Variants in ADCK5 observed in about 807,000 individuals in gnomAD.
The protein encoded by ADCK5 is uncharacterized aarF domain-containing protein kinase 5.
A neutral mutation model predicts 64.9 loss-of-function variants in ADCK5; 43 were observed. That is an observed-to-expected ratio of 0.66 (90% CI 0.52 to 0.85). ADCK5 has a LOEUF of 0.85. Ranked by LOEUF, ADCK5 falls within the 40% of genes least tolerant of loss-of-function variation. The pLI is 0.00. For missense variants in ADCK5, 760 were observed against 810.5 expected, an observed-to-expected ratio of 0.94 and a Z score of 0.76; for synonymous variants, 434 against 342.8, an observed-to-expected ratio of 1.27 and a Z score of -2.94.
Position 144,392,877 on chromosome 8 carries a change from T to TTGAAG in ADCK5, c.1625_1629dup (p.Ala544LysfsTer13). The TTGAAG allele has an allele frequency of 6.2e-7, 1 of 1,601,872 alleles. No homozygotes were observed. On this transcript the variant is annotated frameshift_variant, in exon 14 of 15. Transcript: ENST00000308860. LOFTEE classifies it low-confidence loss of function (END_TRUNC). ...AAGGTCGTCTGGGAGATGCTCAAGT[T>TTGAAG]TGAAGTGGCGCTCAGGTGAGTGGCC...
rs1564666209 is a variant in ADCK5, at chr8:144,376,026, C to A, written c.12+1919C>A. 2.6e-5 allele frequency among the ~76,000 whole-genome samples: 4 copies of A among 152,144 alleles called. No homozygotes were observed. Among genetic ancestry groups the A allele is most frequent in the African/African-American group, 9.7e-5 (4 of 41,418 alleles). On this transcript the variant is annotated intron_variant, in intron 1 of 14. Transcript: ENST00000308860. The surrounding 1 kb of genome is among the most constrained non-coding windows in gnomAD (Gnocchi z 5.1). Reference sequence around the variant, plus strand: ...CTGGGAGATGCAGCTGCAGGCTCGCCCCCCAACCCATAACCTCTCTGGGCC... The same window carrying A: ...CTGGGAGATGCAGCTGCAGGCTCGCACCCCAACCCATAACCTCTCTGGGCC...
chr8:144,379,349 G>A (rs1554857668), intron 1 of ADCK5, 38 bp from the exon 2 acceptor site: 1 of 1,512,776 alleles, frequency 6.6e-7, no homozygotes. Flanking sequence ...GGCGTGTCCT[G>A]GCCTCGTTCG....
chr8:144,391,109 C>A, intron 5 of ADCK5, 25 bp from the exon 6 acceptor site: 1 of 1,610,406 alleles, frequency 6.2e-7, no homozygotes, highest in Non-Finnish European at 8.5e-7. Context: ...TGGCCCCAGG[C>A]TGCTCTGAGC....
intron 3 of ADCK5, among the ~76,000 whole-genome samples, chr8:144,388,720 GC>G (rs1308885540): frequency 1.3e-5 from 2 of 150,524 alleles, no homozygotes; most frequent in African/African-American, 4.9e-5. Context: ...AGCCAAGATC[GC>G]CACCACACTC....
intron 1 of ADCK5, chr8:144,377,535 A>G (rs1554857379): frequency 6.6e-6 from 1 of 152,198 alleles, no homozygotes; most frequent in Non-Finnish European, 1.5e-5. Context: ...TTTCTAGTAG[A>G]GACAGGGTTT....
rs782515826 is a variant in ADCK5, at chr8:144,392,693, A to G, written c.1516A>G (p.Lys506Glu). 2 of 1,594,614 alleles carry G rather than the reference A, an allele frequency of 1.3e-6. No individual in the cohort carries two copies. The highest frequency in any genetic ancestry group is 8.5e-7 in the Non-Finnish European group (1 of 1,170,628). ...CGTGGACCGCTACTTCCTTATGGCT[A>G]AAAGGTCGGTGGCCCGAGGAGGCGC... The part of the protein sequence containing the change: ...APVDRYFLMA[K>E]RAVRGWSRLA... Residue 506 changes from lysine (K) to glutamate (E), a missense_variant, in exon 13 of 15, where the codon AAA becomes GAA. Physicochemically the swap from Lys to Glu is moderately conservative, Grantham distance 56. This residue lies in a region of ADCK5 where 333 missense variants were observed against 292.0 expected (regional missense o/e 1.14). Transcript: ENST00000308860.
Position 144,378,918 on chromosome 8 carries a change from G to T in ADCK5, c.13-469G>T, listed in dbSNP as rs932886149. Among the ~76,000 whole-genome samples, 3 of 151,448 alleles carry T rather than the reference G, an allele frequency of 2.0e-5. No homozygotes were observed. In the South Asian group the frequency reaches 6.3e-4, roughly 32 times the overall value. On this transcript the variant is annotated intron_variant, in intron 1 of 14. Coordinates refer to ENST00000308860, the MANE Select transcript of ADCK5 (RefSeq NM_174922.5). ...ACCTATTTTCTTCATAAATTACCCA[G>T]TCTTGCTTGGGTAGTTCTTTTTTTT...
chr8:144,373,800 C>T (rs1296104203), upstream of ADCK5: 1 of 353,182 alleles, frequency 2.8e-6, no homozygotes, highest in East Asian at 4.2e-5. Context: ...CACAGCGGTC[C>T]TTCCGGCAGG....
At chr8:144,391,088 G>T (rs371472062) in intron 5 of ADCK5, 32 bp downstream of exon 5, 27 of 1,610,548 alleles carry the variant, frequency 1.7e-5, no homozygotes, top group Non-Finnish European at 2.2e-5. Flanking sequence ...GGGAGGTGGG[G>T]CCTCCAGCAG....
chr8:144,392,441 C>A lies in ADCK5; in HGVS notation c.1268-4C>A. The A allele has an allele frequency of 6.7e-7, 1 of 1,503,490 alleles. No homozygotes were observed. The highest frequency in any genetic ancestry group is 8.9e-7 in the Non-Finnish European group (1 of 1,125,912). 93.1% of individuals were successfully genotyped at this position (1,503,490 alleles called of 1,614,324 possible). On this transcript the variant is annotated splice_region_variant and splice_polypyrimidine_tract_variant and intron_variant, in intron 12 of 14. Transcript: ENST00000308860. ...CCTCCCTCCCTCCCTCCCTCCCTCCCCAGACTACCTCCTGTTCGCCGAGAT... is the reference window on the plus strand; with the variant it reads ...CCTCCCTCCCTCCCTCCCTCCCTCCACAGACTACCTCCTGTTCGCCGAGAT...
chr8:144,377,351 A>C (rs1819406430), intron 1 of ADCK5: 1 of 152,018 alleles, frequency 6.6e-6, no homozygotes, highest in Non-Finnish European at 1.5e-5. Context: ...TTCTTTATTT[A>C]TGTATTTATT....
Position 144,384,338 on chromosome 8 carries a change from T to C in ADCK5, c.266+1108T>C, listed in dbSNP as rs1586585143. Reference sequence around the variant, plus strand: ...TCTCAGCAAGTGCCTCGGCTTCTGGTGCCTTCAGAGATTTCACCAGAAGTT... The same window carrying C: ...TCTCAGCAAGTGCCTCGGCTTCTGGCGCCTTCAGAGATTTCACCAGAAGTT... On this transcript the variant is annotated intron_variant, in intron 3 of 14. Coordinates refer to ENST00000308860, the MANE Select transcript of ADCK5 (RefSeq NM_174922.5). This position sits in a 1 kb window ranked among gnomAD's most constrained non-coding sequence, Gnocchi z 5.7. 6.6e-6 allele frequency among the ~76,000 whole-genome samples: 1 copy of C among 152,140 alleles called. No homozygotes were observed. The highest frequency in any genetic ancestry group is 1.5e-5 in the Non-Finnish European group (1 of 68,028).
At chr8:144,385,963 CAA>C (rs879964077) in intron 3 of ADCK5, among the ~76,000 whole-genome samples, 9 of 133,592 alleles carry the variant, frequency 6.7e-5, no homozygotes, top group Non-Finnish European at 8.1e-5. Context: ...CTCTCTGTCT[CAA>C]AAAAAAAAAA....
intron 2 of ADCK5, among the ~76,000 whole-genome samples, chr8:144,382,375 T>A (rs1186284826): frequency 1.3e-5 from 2 of 152,244 alleles, no homozygotes; most frequent in Admixed American, 1.3e-4. Flanking sequence ...GAGCTGCTAC[T>A]GTGTTCAGCA....
In ADCK5 at chr8:144,391,406, A is replaced by G. The variant is rs1586596085; in HGVS notation, c.730A>G (p.Thr244Ala). ...LRDRFDGDIH[T>A]LELLLRLVEV... ...GGACCGCTTTGATGGGGACATCCAC[A>G]CCCTGGAGCTCCTGCTGCGGCTCGT... Residue 244 changes from threonine (T) to alanine (A), a missense_variant, in exon 7 of 15, where the codon ACC becomes GCC. Around this residue, in one of 2 missense-constraint regions of ADCK5, gnomAD observed 427 missense variants for 518.4 expected, o/e 0.82. Coordinates refer to ENST00000308860, the MANE Select transcript of ADCK5 (RefSeq NM_174922.5). 2 of 1,613,060 alleles carry G rather than the reference A, an allele frequency of 1.2e-6. No individual in the cohort carries two copies. The highest frequency in any genetic ancestry group is 2.2e-5 in the South Asian group (2 of 91,076).
In ADCK5 at chr8:144,383,367, C is replaced by T. The variant is rs138142059; in HGVS notation, c.266+137C>T. The T allele has an allele frequency of 3.8e-6, 5 of 1,304,732 alleles. No individual in the cohort carries two copies. The African/African-American group carries it at 4.5e-5, about 12-fold the overall frequency. The allele number at this position is 1,304,732 out of a possible 1,614,324, so 80.8% of individuals were successfully genotyped here. A position where few individuals can be genotyped will look rare whatever the true frequency, so the allele number is the denominator to read the frequency against. On this transcript the variant is annotated intron_variant, in intron 3 of 14. Transcript: ENST00000308860. ...CCTGCAGAGCTTGCTGAGGATTTTACAGCTGCTTTTCAGGCGTCCTTTCCT... is the reference window on the plus strand; with the variant it reads ...CCTGCAGAGCTTGCTGAGGATTTTATAGCTGCTTTTCAGGCGTCCTTTCCT...
intron 12 of ADCK5, 29 bp from the exon 13 acceptor site, chr8:144,392,416 C>CCGGCCCGG: frequency 2.2e-6 from 3 of 1,333,374 alleles, no homozygotes; most frequent in Non-Finnish European, 2.9e-6. Context: ...CTCAGAGCCC[C>CCGGCCCGG]CTCCCTCCCT....
chr8:144,377,579 A>G (rs1056846458), intron 1 of ADCK5: 2 of 152,176 alleles, frequency 1.3e-5, no homozygotes, highest in African/African-American at 4.8e-5. Flanking sequence ...TAATCTCCTG[A>G]CCTCATGATC....
At position 144,390,937 on chromosome 8, in the gene ADCK5, G is replaced by A. The variant is rs1820190730; in HGVS notation, c.424G>A (p.Gly142Arg). The A allele has an allele frequency of 1.2e-6, 2 of 1,612,820 alleles. No homozygotes were observed. Among genetic ancestry groups the A allele is most frequent in the Non-Finnish European group, 1.7e-6 (2 of 1,179,962 alleles). Residue 142 changes from glycine to arginine, a missense_variant, in exon 5 of 15, where the codon GGG (glycine) becomes AGG (arginine). By Grantham distance (125) the Gly-to-Arg change is moderately radical. This residue lies in a region of ADCK5 where 427 missense variants were observed against 518.4 expected (regional missense o/e 0.82). Coordinates refer to ENST00000308860, the MANE Select transcript of ADCK5 (RefSeq NM_174922.5). Reference sequence around the variant, plus strand: ...CCTGGTGGCAGGGGCCATCAGCAACGGGGGCCTCTACGTGAAGCTGGGCCA... The same window carrying A: ...CCTGGTGGCAGGGGCCATCAGCAACAGGGGCCTCTACGTGAAGCTGGGCCA... ...DALVAGAISN[G>R]GLYVKLGQGL...
Sources: allele counts gnomAD v4.1 joint callset (sites outside exome capture counted in the v4.1 genomes callset), GRCh38; gene constraint gnomAD v4.1.1; regional missense constraint gnomAD v4.1.1; non-coding constraint Gnocchi (gnomAD v3.1); transcripts MANE v1.5; gene names NCBI Gene and HGNC (gene_info 2026-07-23, HGNC 2026-07-21).